CFDP1: variants seen among roughly 807,000 people sequenced by gnomAD.
CFDP1 encodes chromatin remodeling protein CFDP1, also known as heterochromatin-stabilizing protein CFDP1.
CFDP1 carries 31 observed loss-of-function variants against 40.1 expected under a neutral mutation model. The ratio of observed to expected loss-of-function variants is 0.77; its 90% CI spans 0.58 to 1.04. The LOEUF is 1.04. Ranked by LOEUF, CFDP1 falls within the 50% of genes least tolerant of loss-of-function variation. The probability of loss-of-function intolerance (pLI) is 0.00; values close to 1 mark genes in which losing one functional copy is unlikely to be tolerated. For synonymous variants in CFDP1, 167 were observed against 120.0 expected, an observed-to-expected ratio of 1.39 and a Z score of -2.56; for missense variants, 423 against 343.4, an observed-to-expected ratio of 1.23 and a Z score of -1.83.
chr16:75,369,633 A>G (rs1255191841), intron 5 of CFDP1, among the ~76,000 whole-genome samples: 3 of 152,272 alleles, frequency 2.0e-5, no homozygotes, highest in African/African-American at 4.8e-5. Flanking sequence ...TACCAGAAAC[A>G]AAGAAAACTA....
intron 5 of CFDP1, among the ~76,000 whole-genome samples, chr16:75,394,049 C>T (rs1304286056): frequency 2.0e-5 from 3 of 151,842 alleles, no homozygotes; most frequent in African/African-American, 4.8e-5. Context: ...AGCGAGACTC[C>T]ACCTCAAAAA....
At chr16:75,424,755 CAAAA>C (rs34126287) in intron 1 of CFDP1, among the ~76,000 whole-genome samples, 11 of 129,430 alleles carry the variant, frequency 8.5e-5, no homozygotes, top group Non-Finnish European at 9.7e-5. Flanking sequence ...GACTCCGTCT[CAAAA>C]AAAAAAAAAA....
chr16:75,345,457 AAAAACAAAAC>A (rs1166333262), intron 5 of CFDP1, among the ~76,000 whole-genome samples: 2 of 152,118 alleles, frequency 1.3e-5, no homozygotes, highest in African/African-American at 2.4e-5. Context: ...ACTCTGTCTC[AAAAACAAAAC>A]AAAACAAAAA....
intron 5 of CFDP1, among the ~76,000 whole-genome samples, chr16:75,379,161 C>T (rs1011287680): frequency 3.3e-5 from 5 of 151,016 alleles, no homozygotes; most frequent in African/African-American, 1.2e-4. Context: ...ATAATCTAAG[C>T]TCCAACTTCA....
intron 5 of CFDP1, among the ~76,000 whole-genome samples, chr16:75,331,194 C>G (rs1251940153): frequency 6.6e-6 from 1 of 152,196 alleles, no homozygotes; most frequent in Non-Finnish European, 1.5e-5. Context: ...GCCAATGGCT[C>G]AGTCATTTTC....
At chr16:75,363,130 C>G (rs1259082297) in intron 5 of CFDP1, 2 of 152,006 alleles carry the variant, frequency 1.3e-5, no homozygotes, top group Admixed American at 6.6e-5. Context: ...TACTCTGGCA[C>G]TGGAGTCAGG....
chr16:75,324,135 A>G (rs1567645607), intron 5 of CFDP1, among the ~76,000 whole-genome samples: 1 of 152,228 alleles, frequency 6.6e-6, no homozygotes, highest in African/African-American at 2.4e-5. Flanking sequence ...AGATAAAGAT[A>G]CACAAACAAG....
In CFDP1 at chr16:75,412,590, C is replaced by T. The variant is rs1056972149; in HGVS notation, c.347G>A (p.Ser116Asn). 3.7e-6 allele frequency: 6 copies of T among 1,614,156 alleles called. No individual in the cohort carries two copies. Among genetic ancestry groups the T allele is most frequent in the Non-Finnish European group, 4.2e-6 (5 of 1,180,022 alleles). ...RKKKEDELWASFLNDVGPKSK... is the reference protein window; with the variant it reads ...RKKKEDELWANFLNDVGPKSK... ...TTTTGGTCCCACATCATTGAGGAAG[C>T]TGGCCCAGAGTTCGTCCTCCTTCTT... The change falls in exon 3 of 7, where the codon AGC (serine) becomes AAC (asparagine). Residue 116 changes from serine to asparagine, a missense_variant. Ser to Asn is a conservative substitution (Grantham distance 46). Coordinates refer to ENST00000283882, the MANE Select transcript of CFDP1 (RefSeq NM_006324.3).
chr16:75,421,195 GCAAGGCAGGAAGCA>G (rs2151595722), intron 1 of CFDP1, among the ~76,000 whole-genome samples: 1 of 152,234 alleles, frequency 6.6e-6, no homozygotes, highest in Admixed American at 6.5e-5. Flanking sequence ...ATTCAAAGCT[GCAAGGCAGGAAGCA>G]CAGCAGCAGG....
intron 1 of CFDP1, among the ~76,000 whole-genome samples, chr16:75,415,058 T>C (rs2151589350): frequency 6.6e-6 from 1 of 152,342 alleles, no homozygotes; most frequent in South Asian, 2.1e-4. Flanking sequence ...GAAATTTCAA[T>C]TCTACTAATG....
chr16:75,409,652 C>T (rs1042668146), intron 4 of CFDP1, among the ~76,000 whole-genome samples: 1 of 151,934 alleles, frequency 6.6e-6, no homozygotes, highest in East Asian at 1.9e-4. Context: ...TGGAGAATGC[C>T]CTTGGTCGTA....
At chr16:75,404,881 C>T (rs1024780197) in intron 4 of CFDP1, among the ~76,000 whole-genome samples, 6 of 152,064 alleles carry the variant, frequency 3.9e-5, no homozygotes, top group African/African-American at 1.2e-4. Context: ...ACGGATAGCG[C>T]GCTGGACTTC....
At position 75,408,732 on chromosome 16, in the gene CFDP1, G is replaced by T. The variant is rs538809437; in HGVS notation, c.530+3093C>A. On this transcript the variant is annotated intron_variant, in intron 4 of 6. Transcript: ENST00000283882. The stretch of plus-strand genomic sequence containing the variant: ...GGAGGTTGCAGAGAGCCGAGATCAT[G>T]CCACTGTACTCTAGCCTCGGCAACA... Among the ~76,000 whole-genome samples the T allele has an allele frequency of 3.3e-5, 5 of 151,962 alleles. No individual in the cohort carries two copies. In the South Asian group the frequency reaches 1.0e-3, roughly 32 times the overall value.
chr16:75,414,695 C>T lies in CFDP1; in HGVS notation c.65G>A (p.Gly22Asp). ...TACATCATCTTCACTATACTCTCCACCTGAAATCACATAACAGGGTGATCA... is the reference window on the plus strand; with the variant it reads ...TACATCATCTTCACTATACTCTCCATCTGAAATCACATAACAGGGTGATCA... ...SEEDEDYVPS[G>D]GEYSEDDVNE... Residue 22 changes from glycine (G) to aspartate (D), a missense_variant and splice_region_variant, in exon 2 of 7, where the codon GGT becomes GAT. Gly to Asp is a moderately conservative substitution (Grantham distance 94). Transcript: ENST00000283882. 6.3e-7 allele frequency: 1 copy of T among 1,580,750 alleles called. No individual in the cohort carries two copies. Among genetic ancestry groups the T allele is most frequent in the Non-Finnish European group, 8.7e-7 (1 of 1,149,954 alleles).
At chr16:75,410,931 A>G (rs975339330) in intron 4 of CFDP1, among the ~76,000 whole-genome samples, 1 of 150,126 alleles carries the variant, frequency 6.7e-6, no homozygotes, top group African/African-American at 2.4e-5. Context: ...AAAAAAGAAA[A>G]AAAAAGGCCA....
chr16:75,396,882 T>A (rs991450373), intron 4 of CFDP1, among the ~76,000 whole-genome samples: 1 of 152,098 alleles, frequency 6.6e-6, no homozygotes, highest in African/African-American at 2.4e-5. Flanking sequence ...TCTTTTGTAG[T>A]CCTCTGAGAA....
chr16:75,433,456 G>T lies in CFDP1; in HGVS notation c.-104C>A. The stretch of plus-strand genomic sequence containing the variant: ...TAGAGCCCCGGCGGCGGCGACGGCA[G>T]CTAGGGCGGCCCCCGACAGCGCTTT... On this transcript the variant is annotated 5_prime_UTR_variant, in exon 1 of 7. The change creates a new upstream start codon in the 5' untranslated region. Transcript: ENST00000283882. 1.8e-6 allele frequency: 2 copies of T among 1,122,056 alleles called. No homozygotes were observed. Among genetic ancestry groups the T allele is most frequent in the Admixed American group, 2.0e-5 (1 of 49,058 alleles). The allele number at this position is 1,122,056 out of a possible 1,614,324, so 69.5% of individuals were successfully genotyped here.
At chr16:75,339,398 G>C (rs1306166809) in intron 5 of CFDP1, among the ~76,000 whole-genome samples, 3 of 151,984 alleles carry the variant, frequency 2.0e-5, no homozygotes, top group African/African-American at 7.2e-5. Context: ...CTCTTTCAGG[G>C]ATAAATTCAC....
intron 5 of CFDP1, among the ~76,000 whole-genome samples, chr16:75,331,427 A>G (rs529746617): frequency 6.6e-6 from 1 of 152,186 alleles, no homozygotes; most frequent in East Asian, 1.9e-4. Context: ...TGAAATGCAC[A>G]GATTAAAGGT....
Sources: allele counts gnomAD v4.1 joint callset (sites outside exome capture counted in the v4.1 genomes callset), GRCh38; gene constraint gnomAD v4.1.1; transcripts MANE v1.5; gene names NCBI Gene and HGNC (gene_info 2026-07-23, HGNC 2026-07-21).